EXOC4: variants seen among roughly 807,000 people sequenced by gnomAD.
EXOC4 encodes the protein SEC8-like 1.
EXOC4 carries 71 observed loss-of-function variants against 107.2 expected under a neutral mutation model. The observed-to-expected ratio is 0.66, with a 90% CI of 0.55 to 0.81. The LOEUF (loss-of-function observed/expected upper bound fraction) is 0.81. EXOC4 is among the 30% of genes least tolerant of loss of function. The probability of loss-of-function intolerance (pLI) is 0.00; values close to 1 mark genes in which losing one functional copy is unlikely to be tolerated. For synonymous variants in EXOC4, 456 were observed against 441.2 expected, an observed-to-expected ratio of 1.03 and a Z score of -0.42; for missense variants, 1,108 against 1,189.6, an observed-to-expected ratio of 0.93 and a Z score of 1.01.
chr7:133,555,943 G>A (rs1800682037), intron 9 of EXOC4, among the ~76,000 whole-genome samples: 1 of 152,116 alleles, frequency 6.6e-6, no homozygotes, highest in Non-Finnish European at 1.5e-5. Context: ...GTTAGTTGTT[G>A]CCTTTAGTTA....
chr7:133,479,920 C>T, intron 8 of EXOC4, 130 bp from the exon 9 acceptor site: 1 of 768,234 alleles, frequency 1.3e-6, no homozygotes, highest in Admixed American at 2.1e-5. Context: ...CATGGTATAG[C>T]CAAAGTGTCT....
At chr7:133,944,648 TG>T (rs1029437906) in intron 14 of EXOC4, among the ~76,000 whole-genome samples, 10 of 152,206 alleles carry the variant, frequency 6.6e-5, no homozygotes, top group African/African-American at 2.4e-4. Flanking sequence ...TTTTTTAACA[TG>T]ATAGAAGCAT....
intron 12 of EXOC4, among the ~76,000 whole-genome samples, chr7:133,899,380 C>G (rs1018173354): frequency 1.4e-4 from 21 of 152,316 alleles, no homozygotes; most frequent in African/African-American, 4.1e-4. Context: ...TATGTTCCTG[C>G]CTCTCAAGAT....
intron 13 of EXOC4, among the ~76,000 whole-genome samples, chr7:133,935,284 G>T (rs559746462): frequency 6.6e-6 from 1 of 152,224 alleles, no homozygotes; most frequent in African/African-American, 2.4e-5. Context: ...GCTTAAGAGA[G>T]CTTCCTTGAT....
At chr7:133,637,409 T>C (rs1484423996) in intron 10 of EXOC4, among the ~76,000 whole-genome samples, 1 of 152,192 alleles carries the variant, frequency 6.6e-6, no homozygotes, top group Admixed American at 6.5e-5. Flanking sequence ...GATACTTATT[T>C]AGCAGAATAT....
chr7:133,542,562 A>G (rs1445503969), intron 9 of EXOC4, among the ~76,000 whole-genome samples: 1 of 152,146 alleles, frequency 6.6e-6, no homozygotes, highest in Non-Finnish European at 1.5e-5. Flanking sequence ...GCCTTGGGGT[A>G]AAGGTTCTGG....
At chr7:133,660,231 T>G (rs892880403) in intron 10 of EXOC4, among the ~76,000 whole-genome samples, 1 of 151,970 alleles carries the variant, frequency 6.6e-6, no homozygotes, top group Non-Finnish European at 1.5e-5. Flanking sequence ...CAAGCATACC[T>G]TCTGAGACTG....
chr7:133,588,513 G>A (rs1404119440), intron 9 of EXOC4, among the ~76,000 whole-genome samples: 4 of 152,130 alleles, frequency 2.6e-5, no homozygotes, highest in African/African-American at 9.7e-5. Flanking sequence ...CTATAAAAAT[G>A]TGATGTCCAA....
chr7:133,604,710 C>CTTTTTTTTTTTTTTTTTTTTTTTTTTTTT (rs61548710), intron 9 of EXOC4, among the ~76,000 whole-genome samples: 1 of 50,218 alleles, frequency 2.0e-5, no homozygotes, highest in Non-Finnish European at 3.5e-5. Context: ...TTCCTTCTTT[C>CTTTTTTTTTTTTTTTTTTTTTTTTTTTTT]TTTTTTTTTT....
At chr7:133,681,723 G>T (rs1309550729) in intron 10 of EXOC4, among the ~76,000 whole-genome samples, 1 of 151,930 alleles carries the variant, frequency 6.6e-6, no homozygotes, top group Non-Finnish European at 1.5e-5. Flanking sequence ...GGAGCAAAAT[G>T]ATTAGCTTGC....
chr7:133,841,970 A>T (rs371766496), intron 11 of EXOC4, among the ~76,000 whole-genome samples: 2 of 152,188 alleles, frequency 1.3e-5, no homozygotes, highest in Non-Finnish European at 1.5e-5. Context: ...GGCTCCATCC[A>T]TGTTGCTGCA....
chr7:133,371,074 C>T (rs1329762470), intron 6 of EXOC4, among the ~76,000 whole-genome samples: 1 of 152,110 alleles, frequency 6.6e-6, no homozygotes, highest in Non-Finnish European at 1.5e-5. Context: ...AAGTTGATGT[C>T]CTCCTGGTAG....
chr7:133,359,368 C>T (rs926364643), intron 6 of EXOC4, among the ~76,000 whole-genome samples: 5 of 152,140 alleles, frequency 3.3e-5, no homozygotes, highest in African/African-American at 1.2e-4. Flanking sequence ...TGCTTTTGTG[C>T]ATTGACTCTT....
chr7:133,899,740 G>A (rs1799407714), intron 12 of EXOC4, among the ~76,000 whole-genome samples: 1 of 135,816 alleles, frequency 7.4e-6, no homozygotes, highest in Non-Finnish European at 1.5e-5. Flanking sequence ...TGTTCCAGAT[G>A]TACTCTTTTT....
the EXOC4 span, among the ~76,000 whole-genome samples, chr7:134,090,289 G>A: frequency 1.3e-5 from 2 of 152,138 alleles, no homozygotes; most frequent in African/African-American, 2.4e-5. Flanking sequence ...TAGTTACAAG[G>A]TCAAGCTCCC....
chr7:133,516,063 C>T (rs12707093), intron 9 of EXOC4, among the ~76,000 whole-genome samples: 38,661 of 151,950 alleles, frequency 0.25, 5,538 homozygotes, highest in South Asian at 0.38. Context: ...GGAAGACTAT[C>T]GATGCATCAC....
At chr7:133,919,269 A>G (rs1490345798) in intron 13 of EXOC4, among the ~76,000 whole-genome samples, 1 of 152,196 alleles carries the variant, frequency 6.6e-6, no homozygotes, top group Non-Finnish European at 1.5e-5. Context: ...AAAAGTACAG[A>G]GTTGCCATAG....
At chr7:133,313,719 A>G (rs780681783) in intron 4 of EXOC4, among the ~76,000 whole-genome samples, 79 of 152,232 alleles carry the variant, frequency 5.2e-4, no homozygotes, top group Non-Finnish European at 9.3e-4. Context: ...TCTAACATTT[A>G]GAAGCAGAGC....
intron 10 of EXOC4, among the ~76,000 whole-genome samples, chr7:133,656,419 A>T (rs954169985): frequency 3.9e-5 from 6 of 152,118 alleles, no homozygotes; most frequent in African/African-American, 1.2e-4. Flanking sequence ...GTATATATAT[A>T]ACTGGAACAG....
Sources: allele counts gnomAD v4.1 joint callset (sites outside exome capture counted in the v4.1 genomes callset), GRCh38; gene constraint gnomAD v4.1.1; transcripts MANE v1.5; gene names NCBI Gene and HGNC (gene_info 2026-07-23, HGNC 2026-07-21).